SIN3B: variants seen among roughly 807,000 people sequenced by gnomAD.
SIN3B encodes paired amphipathic helix protein Sin3b.
SIN3B carries 19 observed loss-of-function variants against 120.2 expected under a neutral mutation model. The ratio of observed to expected loss-of-function variants is 0.16; its 90% CI spans 0.11 to 0.23. SIN3B has a LOEUF of 0.23. SIN3B is among the 10% of genes least tolerant of loss of function. The pLI, the probability that SIN3B is intolerant of heterozygous loss-of-function variation, is 1.00. For missense variants in SIN3B, 1,073 were observed against 1,573.0 expected, an observed-to-expected ratio of 0.68 and a Z score of 5.38; for synonymous variants, 654 against 653.2, an observed-to-expected ratio of 1.00 and a Z score of -0.02.
chr19:16,877,933 A>G (rs972154464), intron 17 of SIN3B, among the ~76,000 whole-genome samples: 1 of 152,162 alleles, frequency 6.6e-6, no homozygotes, highest in Non-Finnish European at 1.5e-5. Flanking sequence ...GGGCCAGGCC[A>G]GAGGCGGGTG....
intron 9 of SIN3B, chr19:16,863,134 A>G (rs752822530): frequency 2.8e-4 from 172 of 610,094 alleles, no homozygotes; most frequent in Non-Finnish European, 4.7e-4. Flanking sequence ...GATGGCCTGC[A>G]AAATCTGAGA....
At position 16,862,693 on chromosome 19, in the gene SIN3B, C is replaced by A; in HGVS notation, c.1266+134C>A. 2.7e-6 allele frequency: 3 copies of A among 1,130,372 alleles called. No individual in the cohort carries two copies. The highest frequency in any genetic ancestry group is 1.4e-5 in the South Asian group (1 of 74,072). The allele number at this position is 1,130,372 out of a possible 1,614,324, so 70.0% of individuals were successfully genotyped here. A position where few individuals can be genotyped will look rare whatever the true frequency, so the allele number is the denominator to read the frequency against. ...CCTGAATGTTGGGTTATGGGTGGTG[C>A]TGGGATGTGGCCCGGCAAAACCACC... On this transcript the variant is annotated intron_variant, in intron 9 of 18. Transcript: ENST00000248054. This position sits in a 1 kb window ranked among gnomAD's most constrained non-coding sequence, Gnocchi z 4.7.
intron 13 of SIN3B, among the ~76,000 whole-genome samples, chr19:16,870,901 A>AC (rs1412798628): frequency 1.3e-5 from 2 of 151,198 alleles, no homozygotes. Context: ...ATGTTGGCCA[A>AC]CCTGGTCTCA....
intron 8 of SIN3B, among the ~76,000 whole-genome samples, chr19:16,856,986 T>C (rs1971624452): frequency 6.6e-6 from 1 of 152,206 alleles, no homozygotes; most frequent in Admixed American, 6.5e-5. Context: ...TTGACAGCAC[T>C]TGTGGCTGTA....
At chr19:16,837,421 G>A (rs1971362085) in intron 3 of SIN3B, among the ~76,000 whole-genome samples, 1 of 151,804 alleles carries the variant, frequency 6.6e-6, no homozygotes, top group Non-Finnish European at 1.5e-5. Context: ...AGAGAGGATG[G>A]TGACAAGGAC....
chr19:16,871,080 TG>T, intron 13 of SIN3B, 148 bp from the exon 14 acceptor site: 1 of 983,552 alleles, frequency 1.0e-6, no homozygotes, highest in Non-Finnish European at 1.6e-6. Context: ...TCGGGTTTCC[TG>T]GTGATTCCCA....
chr19:16,831,469 T>C, intron 2 of SIN3B, 25 bp from the exon 3 acceptor site: 1 of 1,609,422 alleles, frequency 6.2e-7, no homozygotes, highest in Non-Finnish European at 8.5e-7. Context: ...AAGACCCTTT[T>C]GCCCACTTCC....
intron 8 of SIN3B, among the ~76,000 whole-genome samples, chr19:16,858,823 G>T (rs187357528): frequency 9.9e-5 from 15 of 152,260 alleles, no homozygotes; most frequent in Admixed American, 7.9e-4. Flanking sequence ...GGTGACCTGT[G>T]CCTGTAGTCC....
At chr19:16,861,687 C>T (rs535015525) in intron 8 of SIN3B, among the ~76,000 whole-genome samples, 303 of 150,504 alleles carry the variant, frequency 2.0e-3, no homozygotes, top group Non-Finnish European at 3.7e-3. Context: ...TGCTTGAACC[C>T]GGGAGGTGGA....
chr19:16,862,573 G>C lies in SIN3B; in HGVS notation c.1266+14G>C. The stretch of plus-strand genomic sequence containing the variant: ...ATCTGCAAGGAGGTAGCGCTCCCTG[G>C]GGCTCAAATGTTCGTTGACATGGTG... On this transcript the variant is annotated intron_variant, in intron 9 of 18. Coordinates refer to ENST00000248054, the MANE Select transcript of SIN3B (RefSeq NM_001297595.2). This position sits in a 1 kb window ranked among gnomAD's most constrained non-coding sequence, Gnocchi z 4.7. 1 of 1,607,284 alleles carries C rather than the reference G, an allele frequency of 6.2e-7. No individual in the cohort carries two copies. The highest frequency in any genetic ancestry group is 8.5e-7 in the Non-Finnish European group (1 of 1,177,336).
chr19:16,868,298 C>T lies in SIN3B; in HGVS notation c.1807-1162C>T, dbSNP rs537904587. ...TGCTTGGCCCTACCAGCCTCTAAGC[C>T]GCCTTGCAGGGGAGGAGGAAGGGAA... On this transcript the variant is annotated intron_variant, in intron 12 of 18. Coordinates refer to ENST00000248054, the MANE Select transcript of SIN3B (RefSeq NM_001297595.2). 8.5e-5 allele frequency among the ~76,000 whole-genome samples: 13 copies of T among 152,266 alleles called. No homozygotes were observed. In the South Asian group the frequency reaches 1.9e-3, roughly 22 times the overall value.
intron 13 of SIN3B, 129 bp downstream of exon 13, chr19:16,870,204 T>A: frequency 8.8e-7 from 1 of 1,137,898 alleles, no homozygotes. Context: ...TGATTTCAAA[T>A]GGGAAATTGC....
chr19:16,851,626 C>T (rs1227058975), intron 6 of SIN3B, 92 bp downstream of exon 6: 1 of 1,461,722 alleles, frequency 6.8e-7, no homozygotes, highest in Non-Finnish European at 9.1e-7. Context: ...GAGGCCCCAG[C>T]AGGGGTTCGG....
intron 8 of SIN3B, among the ~76,000 whole-genome samples, chr19:16,858,165 C>T (rs1046751125): frequency 9.8e-5 from 15 of 152,328 alleles, no homozygotes; most frequent in African/African-American, 3.4e-4. Context: ...GTGTGAGCCA[C>T]GGCGCCCAGG....
At chr19:16,831,394 G>A (rs1324160640) in intron 2 of SIN3B, 100 bp from the exon 3 acceptor site, 5 of 1,253,386 alleles carry the variant, frequency 4.0e-6, no homozygotes, top group African/African-American at 1.5e-5. Flanking sequence ...GTTGTCTGTT[G>A]AGAAGGTTTT....
chr19:16,873,855 C>T (rs1475834074), intron 14 of SIN3B, among the ~76,000 whole-genome samples: 2 of 152,240 alleles, frequency 1.3e-5, no homozygotes, highest in Admixed American at 1.3e-4. Context: ...CATGTCTGGA[C>T]TCTGCCTCCC....
chr19:16,875,694 TGGTCG>T, intron 14 of SIN3B, among the ~76,000 whole-genome samples: 1 of 149,138 alleles, frequency 6.7e-6, no homozygotes, highest in East Asian at 2.0e-4. Flanking sequence ...TGGTCTGGTC[TGGTCG>T]GTTCGGTCTG....
chr19:16,852,624 G>A (rs942280840), intron 6 of SIN3B, among the ~76,000 whole-genome samples: 3 of 152,172 alleles, frequency 2.0e-5, no homozygotes, highest in African/African-American at 7.2e-5. Flanking sequence ...GTGCATCCAA[G>A]TTCAGGTCCA....
intron 10 of SIN3B, 106 bp from the exon 11 acceptor site, chr19:16,865,304 A>AACC: frequency 8.7e-6 from 4 of 462,300 alleles, no homozygotes; most frequent in South Asian, 3.7e-5. Flanking sequence ...TTAAATACAC[A>AACC]CACCCCCCCC....
Sources: gnomAD v4.1 joint callset for allele counts (sites outside exome capture counted in the v4.1 genomes callset) on GRCh38, gnomAD v4.1.1 for gene constraint, Gnocchi (gnomAD v3.1) non-coding constraint, MANE v1.5 for transcripts, NCBI Gene and HGNC (gene_info 2026-07-23, HGNC 2026-07-21) for gene names.